The following ELMO1 variants were observed in gnomAD, a reference collection of about 807,000 sequenced individuals.
ELMO1 encodes the protein engulfment and cell motility protein 1.
A neutral mutation model predicts 98.9 loss-of-function variants in ELMO1; 26 were observed. That is an observed-to-expected ratio of 0.26 (90% CI 0.19 to 0.36). ELMO1 has a LOEUF of 0.36. Among genes scored for constraint, ELMO1 ranks in the 10% least tolerant of loss-of-function variants. The pLI, the probability that ELMO1 is intolerant of heterozygous loss-of-function variation, is 1.00. For synonymous variants in ELMO1, 346 were observed against 346.0 expected, an observed-to-expected ratio of 1.00 and a Z score of 0.00; for missense variants, 627 against 935.2, an observed-to-expected ratio of 0.67 and a Z score of 4.30.
chr7:37,364,464 C>T (rs1448743218), intron 1 of ELMO1, among the ~76,000 whole-genome samples: 2 of 152,162 alleles, frequency 1.3e-5, no homozygotes, highest in Non-Finnish European at 2.9e-5. Context: ...CACCTAAATA[C>T]CTAAATGTTC....
intron 7 of ELMO1, among the ~76,000 whole-genome samples, chr7:37,243,897 T>G (rs1794873169): frequency 6.6e-6 from 1 of 152,208 alleles, no homozygotes; most frequent in Non-Finnish European, 1.5e-5. Context: ...TCGAGCACTT[T>G]CTCAGACTCA....
intron 10 of ELMO1, among the ~76,000 whole-genome samples, chr7:37,219,762 T>C (rs1793492245): frequency 6.6e-6 from 1 of 152,226 alleles, no homozygotes; most frequent in African/African-American, 2.4e-5. Flanking sequence ...CCTTTGAGGC[T>C]CAATTTCCTT....
intron 15 of ELMO1, among the ~76,000 whole-genome samples, chr7:37,089,631 T>A (rs1173708468): frequency 6.6e-6 from 1 of 152,186 alleles, no homozygotes; most frequent in Non-Finnish European, 1.5e-5. Context: ...TTTTCTGCAA[T>A]CTTTGATATT....
intron 16 of ELMO1, chr7:37,002,020 T>C (rs1431187815): frequency 1.3e-5 from 2 of 152,234 alleles, no homozygotes; most frequent in East Asian, 1.9e-4. Flanking sequence ...GTCATGTTAA[T>C]GCTGTGTAAC....
intron 16 of ELMO1, among the ~76,000 whole-genome samples, chr7:36,969,598 T>C (rs527327016): frequency 6.6e-6 from 1 of 152,276 alleles, no homozygotes; most frequent in African/African-American, 2.4e-5. Flanking sequence ...AGGAAGCTGC[T>C]GGTGGTGGTA....
intron 1 of ELMO1, among the ~76,000 whole-genome samples, chr7:37,408,038 T>C (rs956308936): frequency 6.6e-6 from 1 of 152,198 alleles, no homozygotes; most frequent in South Asian, 2.1e-4. Flanking sequence ...AGTCTGTAAG[T>C]GAATTTTACA....
At chr7:36,986,191 C>T (rs1791492878) in intron 16 of ELMO1, 16 of 985,554 alleles carry the variant, frequency 1.6e-5, no homozygotes, top group East Asian at 1.1e-4. Context: ...AGGGATGCTC[C>T]GATTGGCAGG....
intron 16 of ELMO1, among the ~76,000 whole-genome samples, chr7:36,922,917 C>T (rs117520263): frequency 0.049 from 7,452 of 152,216 alleles, 285 homozygotes; most frequent in South Asian, 0.14. Context: ...TTAAAGGTGA[C>T]GATGAGTAGA....
chr7:37,315,118 G>C (rs1562605930), intron 3 of ELMO1, among the ~76,000 whole-genome samples, 196 bp from the exon 4 acceptor site: 1 of 152,138 alleles, frequency 6.6e-6, no homozygotes, highest in Non-Finnish European at 1.5e-5. Flanking sequence ...TTCATGTGTA[G>C]ACTGTCTAGA....
At chr7:36,959,837 T>C (rs59960909) in intron 16 of ELMO1, among the ~76,000 whole-genome samples, 38,186 of 152,042 alleles carry the variant, frequency 0.25, 6,382 homozygotes, top group African/African-American at 0.47. Context: ...CGTGTGACCA[T>C]GCCTGCCTAA....
chr7:37,233,156 AC>A lies in ELMO1; in HGVS notation c.487del (p.Val163LeufsTer3). The A allele has an allele frequency of 6.2e-7, 1 of 1,613,834 alleles. No homozygotes were observed. On this transcript the variant is annotated frameshift_variant, in exon 8 of 22. Transcript: ENST00000310758. LOFTEE classifies it high-confidence loss of function. The part of the protein sequence containing the change: ...DMLSFTLTAF[V>X]ELMDHGIVSW... ...CACTATGCCATGGTCCATCAGCTCA[AC>A]GAAGGCCGTCAGGGTGAAGGACAGC...
intron 15 of ELMO1, among the ~76,000 whole-genome samples, chr7:37,085,533 T>G (rs1421620879): frequency 2.0e-5 from 3 of 152,196 alleles, no homozygotes; most frequent in African/African-American, 7.2e-5. Flanking sequence ...TCCAATTTCA[T>G]GCTGCCTTCC....
intron 15 of ELMO1, chr7:37,033,393 T>G (rs1334188719): frequency 2.2e-6 from 1 of 456,158 alleles, no homozygotes; most frequent in Non-Finnish European, 4.4e-6. Context: ...GCAGTGTGAA[T>G]TTTTCAGGAG....
intron 16 of ELMO1, among the ~76,000 whole-genome samples, chr7:36,915,870 C>A (rs1784650912): frequency 6.6e-6 from 1 of 152,076 alleles, no homozygotes; most frequent in Non-Finnish European, 1.5e-5. Context: ...GACAGAAGTA[C>A]TTATAAAGAA....
At chr7:37,371,499 CTT>C (rs942162951) in intron 1 of ELMO1, among the ~76,000 whole-genome samples, 2 of 152,074 alleles carry the variant, frequency 1.3e-5, no homozygotes, top group African/African-American at 4.8e-5. Context: ...ACTCGGAAAA[CTT>C]ATGTGAAACA....
At chr7:37,320,827 C>CA (rs1301790678) in intron 2 of ELMO1, among the ~76,000 whole-genome samples, 14 of 151,458 alleles carry the variant, frequency 9.2e-5, no homozygotes, top group South Asian at 4.2e-4. Context: ...AAAACAACAA[C>CA]AACAAAAAAA....
intron 1 of ELMO1, among the ~76,000 whole-genome samples, chr7:37,420,199 G>T (rs1028020973): frequency 5.6e-5 from 6 of 106,342 alleles, no homozygotes; most frequent in African/African-American, 2.0e-4. Flanking sequence ...CACTCCAAGG[G>T]CAATGTGAAA....
At chr7:37,389,457 A>G (rs1384647428) in intron 1 of ELMO1, among the ~76,000 whole-genome samples, 3 of 152,232 alleles carry the variant, frequency 2.0e-5, no homozygotes, top group Admixed American at 6.5e-5. Context: ...TTTTCCCTCC[A>G]TTGTGTTGAT....
At chr7:36,881,769 G>A (rs1356189081) in intron 18 of ELMO1, among the ~76,000 whole-genome samples, 1 of 152,202 alleles carries the variant, frequency 6.6e-6, no homozygotes, top group African/African-American at 2.4e-5. Context: ...TTGTTATGGA[G>A]CTAATAACCA....
Sources: gnomAD v4.1 joint callset for allele counts (sites outside exome capture counted in the v4.1 genomes callset) on GRCh38, gnomAD v4.1.1 for gene constraint, MANE v1.5 for transcripts, NCBI Gene and HGNC (gene_info 2026-07-23, HGNC 2026-07-21) for gene names.